Variants in SHISA9 observed in about 807,000 individuals in gnomAD.
SHISA9 encodes protein shisa-9.
SHISA9 carries 13 observed loss-of-function variants against 38.0 expected under a neutral mutation model. That is an observed-to-expected ratio of 0.34 (90% CI 0.22 to 0.54). The LOEUF (loss-of-function observed/expected upper bound fraction) is 0.54. SHISA9 is among the 20% of genes least tolerant of loss of function. The pLI, the probability that SHISA9 is intolerant of heterozygous loss-of-function variation, is 0.91. For missense variants in SHISA9, 538 were observed against 575.8 expected (o/e 0.93, Z 0.67); for synonymous variants, 275 against 242.0 (o/e 1.14, Z -1.27).
In SHISA9 at chr16:13,213,267, G is replaced by T; in HGVS notation, c.862G>T (p.Asp288Tyr). ...SLKAVGSSDG[D>Y]WAVSTLKSPK... is the part of the protein sequence containing the mutation. Reference sequence around the variant, plus strand: ...TATTTTTTTAGGAAGTTCTGATGGTGACTGGGCAGTATCGACACTTAAGTC... The same window carrying T: ...TATTTTTTTAGGAAGTTCTGATGGTTACTGGGCAGTATCGACACTTAAGTC... The change falls in exon 4 of 5, where the codon GAC becomes TAC. Residue 288 changes from aspartate (D) to tyrosine (Y), a missense_variant. Transcript: ENST00000558583. The T allele has an allele frequency of 6.4e-7, 1 of 1,551,802 alleles. No homozygotes were observed. The highest frequency in any genetic ancestry group is 1.2e-5 in the South Asian group (1 of 84,014).
At chr16:13,198,087 A>G (rs938791148) in intron 2 of SHISA9, among the ~76,000 whole-genome samples, 1 of 152,136 alleles carries the variant, frequency 6.6e-6, no homozygotes. Context: ...TGGGAGGCTG[A>G]GGCAGGAGAA....
chr16:13,431,654 C>T, the SHISA9 span, among the ~76,000 whole-genome samples: 1 of 152,350 alleles, frequency 6.6e-6, no homozygotes, highest in South Asian at 2.1e-4. Flanking sequence ...TGAGAATCCA[C>T]TGACCTCAAC....
At chr16:13,471,811 A>G in the SHISA9 span, among the ~76,000 whole-genome samples, 1 of 152,184 alleles carries the variant, frequency 6.6e-6, no homozygotes, top group South Asian at 2.1e-4. Flanking sequence ...AGCAAAAGTC[A>G]CTGTAATCTA....
At chr16:13,001,968 T>C (rs78860010) in intron 2 of SHISA9, among the ~76,000 whole-genome samples, 2,050 of 152,312 alleles carry the variant, frequency 0.013, 76 homozygotes, top group East Asian at 0.093. Flanking sequence ...ATCTTTCCAC[T>C]GTTATATATG....
At chr16:13,308,691 CT>C in the SHISA9 span, among the ~76,000 whole-genome samples, 10 of 152,296 alleles carry the variant, frequency 6.6e-5, no homozygotes, top group African/African-American at 2.4e-4. Flanking sequence ...CAAGACATAA[CT>C]TACAGCTGTG....
the SHISA9 span, among the ~76,000 whole-genome samples, chr16:13,379,222 G>A: frequency 6.6e-6 from 1 of 152,172 alleles, no homozygotes; most frequent in Non-Finnish European, 1.5e-5. Flanking sequence ...GAGGCAAGAA[G>A]GAGACAAATG....
At chr16:13,216,263 C>A (rs1281432659) in intron 4 of SHISA9, among the ~76,000 whole-genome samples, 1 of 151,252 alleles carries the variant, frequency 6.6e-6, no homozygotes, top group African/African-American at 2.4e-5. Flanking sequence ...GGTTCCAATA[C>A]AGGCACCATC....
At chr16:13,541,066 C>T in the SHISA9 span, among the ~76,000 whole-genome samples, 1 of 152,184 alleles carries the variant, frequency 6.6e-6, no homozygotes, top group Non-Finnish European at 1.5e-5. Flanking sequence ...ATGGAGAACT[C>T]AGTGGCGACA....
intron 2 of SHISA9, among the ~76,000 whole-genome samples, chr16:13,127,110 T>G (rs1596666776): frequency 4.5e-5 from 5 of 112,142 alleles, no homozygotes; most frequent in African/African-American, 1.1e-4. Context: ...AGAGAGAGAC[T>G]GAGGGAACAG....
At chr16:13,559,021 A>T in the SHISA9 span, among the ~76,000 whole-genome samples, 1 of 152,212 alleles carries the variant, frequency 6.6e-6, no homozygotes, top group Non-Finnish European at 1.5e-5. Context: ...GTTTACAAAG[A>T]TAATTATTAT....
At chr16:13,537,171 T>TA in the SHISA9 span, among the ~76,000 whole-genome samples, 1 of 152,194 alleles carries the variant, frequency 6.6e-6, no homozygotes, top group African/African-American at 2.4e-5. Flanking sequence ...CTCATGCCTG[T>TA]AATCCTAGCA....
Position 13,015,660 on chromosome 16 carries a change from G to A in SHISA9, c.691+98845G>A, listed in dbSNP as rs370446264. ...GCCCCTAAAGGCATGCAGGCTTCCT[G>A]GGTAGTTGGTAGCTGAAGGGGACTG... On this transcript the variant is annotated intron_variant, in intron 2 of 4. Transcript: ENST00000558583. Among the ~76,000 whole-genome samples the A allele has an allele frequency of 6.6e-5, 10 of 152,238 alleles. No individual in the cohort carries two copies. The East Asian group carries it at 1.6e-3, about 24-fold the overall frequency.
intron 2 of SHISA9, among the ~76,000 whole-genome samples, chr16:13,021,886 C>G (rs2072859469): frequency 6.6e-6 from 1 of 152,180 alleles, no homozygotes; most frequent in Admixed American, 6.5e-5. Context: ...TGTCCTAGGG[C>G]TGCCGTAACA....
chr16:13,167,174 G>C (rs963518493), intron 2 of SHISA9, among the ~76,000 whole-genome samples: 6 of 150,208 alleles, frequency 4.0e-5, no homozygotes, highest in Admixed American at 2.7e-4. Flanking sequence ...CTGGGTTCAA[G>C]TGATTTTCCT....
intron 2 of SHISA9, among the ~76,000 whole-genome samples, chr16:13,036,242 A>G (rs1430332296): frequency 1.3e-5 from 2 of 152,210 alleles, no homozygotes; most frequent in Admixed American, 6.5e-5. Context: ...TAACCCCCAA[A>G]TCTATTCATA....
At chr16:13,337,540 G>C in the SHISA9 span, among the ~76,000 whole-genome samples, 1 of 152,158 alleles carries the variant, frequency 6.6e-6, no homozygotes, top group Non-Finnish European at 1.5e-5. Flanking sequence ...ATTCACCAGT[G>C]AAGTGCCAAC....
At chr16:13,404,051 G>A in the SHISA9 span, among the ~76,000 whole-genome samples, 7 of 152,274 alleles carry the variant, frequency 4.6e-5, no homozygotes, top group South Asian at 2.1e-4. Flanking sequence ...ATCGTGATTC[G>A]AACTCAGGCT....
the SHISA9 span, among the ~76,000 whole-genome samples, chr16:13,351,158 A>T: frequency 6.6e-6 from 1 of 152,192 alleles, no homozygotes; most frequent in Non-Finnish European, 1.5e-5. Flanking sequence ...CACAGCAAAA[A>T]GTGGCAGAGC....
At chr16:13,019,772 CTTTCTT>C (rs1200805537) in intron 2 of SHISA9, among the ~76,000 whole-genome samples, 38 of 59,284 alleles carry the variant, frequency 6.4e-4, no homozygotes, top group Admixed American at 3.3e-3. Context: ...TCTTTTCTTT[CTTTCTT>C]TCTTTCTTTC....
Sources: allele counts gnomAD v4.1 joint callset (sites outside exome capture counted in the v4.1 genomes callset), GRCh38; gene constraint gnomAD v4.1.1; transcripts MANE v1.5; gene names NCBI Gene and HGNC (gene_info 2026-07-23, HGNC 2026-07-21).